The following SEMA6D variants were observed in gnomAD, a reference collection of about 807,000 sequenced individuals.
The protein encoded by SEMA6D is semaphorin 6D.
In SEMA6D, 35 loss-of-function variants were observed where a neutral mutation model predicts 106.6. That is an observed-to-expected ratio of 0.33 (90% confidence interval 0.25 to 0.44). The LOEUF is 0.44. Ranked by LOEUF, SEMA6D falls within the 20% of genes least tolerant of loss-of-function variation. The pLI is 1.00. For missense variants in SEMA6D, 1,185 were observed against 1,345.9 expected (o/e 0.88, Z 1.87); for synonymous variants, 499 against 487.7 (o/e 1.02, Z -0.31).
chr15:47,732,540 C>T (rs745761039), intron 1 of SEMA6D, among the ~76,000 whole-genome samples: 4 of 152,172 alleles, frequency 2.6e-5, no homozygotes, highest in Non-Finnish European at 5.9e-5. Context: ...GGGACCACCT[C>T]AGTTGACCCA....
intron 1 of SEMA6D, among the ~76,000 whole-genome samples, chr15:47,283,415 G>C (rs1023502532): frequency 6.6e-6 from 1 of 152,192 alleles, no homozygotes; most frequent in Non-Finnish European, 1.5e-5. Context: ...TGGTTGAATT[G>C]TACTTTGACT....
At chr15:47,478,983 G>A (rs1377598093) in intron 3 of SEMA6D, among the ~76,000 whole-genome samples, 1 of 152,034 alleles carries the variant, frequency 6.6e-6, no homozygotes, top group East Asian at 1.9e-4. Flanking sequence ...AGAACAGCAT[G>A]TGAAATCCCC....
At chr15:47,348,566 A>G (rs137920171) in intron 1 of SEMA6D, among the ~76,000 whole-genome samples, 1 of 152,102 alleles carries the variant, frequency 6.6e-6, no homozygotes, top group East Asian at 1.9e-4. Context: ...AATCTGTATT[A>G]CTGTGAGCCA....
chr15:47,761,130 C>A (rs2082041760), intron 4 of SEMA6D, 28 bp from the exon 5 acceptor site: 1 of 1,612,974 alleles, frequency 6.2e-7, no homozygotes, highest in African/African-American at 1.3e-5. Context: ...CAGTTAAAAA[C>A]TGCTTTGGTT....
intron 3 of SEMA6D, among the ~76,000 whole-genome samples, chr15:47,559,701 T>A (rs1486752837): frequency 6.6e-6 from 1 of 152,062 alleles, no homozygotes; most frequent in East Asian, 1.9e-4. Context: ...GCTGTGTGGA[T>A]GTGCAGGAAA....
At chr15:47,408,562 A>G in intron 1 of SEMA6D, among the ~76,000 whole-genome samples, 1 of 152,230 alleles carries the variant, frequency 6.6e-6, no homozygotes, top group East Asian at 1.9e-4. Flanking sequence ...TATAACCAAG[A>G]AATAAATGAG....
At chr15:47,722,633 A>T (rs768679838) in intron 1 of SEMA6D, among the ~76,000 whole-genome samples, 1 of 152,108 alleles carries the variant, frequency 6.6e-6, no homozygotes, top group African/African-American at 2.4e-5. Flanking sequence ...TTGGAAATTG[A>T]TGTGTCAAGG....
At position 47,348,727 on chromosome 15, in the gene SEMA6D, C is replaced by CCACACAGAGAG. The variant is rs1555425939; in HGVS notation, c.-238-63666_-238-63665insCACACAGAGAG. ...CACACACACACACACACCACACACA[C>CCACACAGAGAG]AGAGAGAGAGAGAGAGAGAGAGAGA... On this transcript the variant is annotated intron_variant, in intron 1 of 19. Coordinates refer to the SEMA6D transcript ENST00000558014. Among the ~76,000 whole-genome samples the CCACACAGAGAG allele has an allele frequency of 1.8e-4, 10 of 57,054 alleles. 1 individual carries two copies. Among genetic ancestry groups the CCACACAGAGAG allele is most frequent in the Admixed American group, 7.2e-4 (3 of 4,170 alleles). The allele number at this position is 57,054 out of a possible 152,430, so 37.4% of individuals were successfully genotyped here.
At chr15:47,209,619 T>C (rs531524287) in intron 1 of SEMA6D, among the ~76,000 whole-genome samples, 1 of 152,320 alleles carries the variant, frequency 6.6e-6, no homozygotes, top group South Asian at 2.1e-4. Flanking sequence ...AATGTAAATT[T>C]TCTGAATATT....
chr15:47,668,973 T>G (rs1372924666), intron 4 of SEMA6D, among the ~76,000 whole-genome samples: 1 of 152,222 alleles, frequency 6.6e-6, no homozygotes, highest in African/African-American at 2.4e-5. Context: ...AATTCAAACT[T>G]CTAGAAAAGT....
chr15:47,184,680 C>G (rs910992333), intron 1 of SEMA6D, among the ~76,000 whole-genome samples: 2 of 152,102 alleles, frequency 1.3e-5, no homozygotes, highest in Non-Finnish European at 2.9e-5. Flanking sequence ...GTGTCTTGCC[C>G]GATCCCGGAG....
chr15:47,252,195 G>A (rs1163185068), intron 1 of SEMA6D, among the ~76,000 whole-genome samples: 1 of 145,468 alleles, frequency 6.9e-6, no homozygotes, highest in Non-Finnish European at 1.5e-5. Flanking sequence ...GGGATTACAG[G>A]CGTGCTAATT....
At chr15:47,751,810 T>G (rs960760833) in intron 1 of SEMA6D, among the ~76,000 whole-genome samples, 1 of 152,092 alleles carries the variant, frequency 6.6e-6, no homozygotes, top group Non-Finnish European at 1.5e-5. Flanking sequence ...ACAGTTGTCT[T>G]AGGAATTGAC....
At position 47,762,276 on chromosome 15, in the gene SEMA6D, A is replaced by T. The variant is rs148533867; in HGVS notation, c.615A>T (p.Gly205=). 223 of 1,613,696 alleles carry T rather than the reference A, an allele frequency of 1.4e-4. No homozygotes were observed. The African/African-American group carries it at 2.4e-3, about 18-fold the overall frequency. The change falls in exon 8 of 19, where the codon GGA becomes GGT. Residue 205 remains glycine (G), a synonymous_variant. Coordinates refer to ENST00000536845, the MANE Select transcript of SEMA6D (RefSeq NM_001358351.3). ...TTATTTATCGAAGCATGGGTGATGG[A>T]TCTGCCCTTCGCACAATAAAATATG... The part of the protein sequence containing the change: ...DAVIYRSMGD[G]SALRTIKYDS...
intron 4 of SEMA6D, among the ~76,000 whole-genome samples, chr15:47,614,240 C>T (rs147998029): frequency 7.9e-4 from 120 of 152,316 alleles, no homozygotes; most frequent in African/African-American, 2.5e-3. Flanking sequence ...GCCCAAACCA[C>T]TTCCCTGGCA....
chr15:47,553,452 C>T (rs967623626), intron 3 of SEMA6D, among the ~76,000 whole-genome samples: 1 of 152,162 alleles, frequency 6.6e-6, no homozygotes, highest in African/African-American at 2.4e-5. Context: ...CGCCTATCAG[C>T]CTATCACCCT....
At chr15:47,253,202 G>T (rs2033616639) in intron 1 of SEMA6D, among the ~76,000 whole-genome samples, 1 of 152,142 alleles carries the variant, frequency 6.6e-6, no homozygotes, top group African/African-American at 2.4e-5. Context: ...TATTTACCTA[G>T]CGATCAGTGA....
chr15:47,402,413 T>A (rs536431990), intron 1 of SEMA6D, among the ~76,000 whole-genome samples: 56 of 152,322 alleles, frequency 3.7e-4, no homozygotes, highest in African/African-American at 1.3e-3. Context: ...GATCTTCTAT[T>A]AGGACAATGG....
chr15:47,481,749 G>A lies in SEMA6D; in HGVS notation c.-87+11204G>A, dbSNP rs563642412. Among the ~76,000 whole-genome samples the A allele has an allele frequency of 2.0e-5, 3 of 152,254 alleles. No homozygotes were observed. The South Asian group carries it at 6.2e-4, about 32-fold the overall frequency. On this transcript the variant is annotated intron_variant, in intron 3 of 19. Transcript: ENST00000558014. ...TATTTCCTTTTATGTGCTAAATCCT[G>A]ACTCTACTGCTGGGGAGGAGCATAA...
Sources: gnomAD v4.1 joint callset for allele counts (sites outside exome capture counted in the v4.1 genomes callset) on GRCh38, gnomAD v4.1.1 for gene constraint, MANE v1.5 for transcripts, NCBI Gene and HGNC (gene_info 2026-07-23, HGNC 2026-07-21) for gene names.